Variants in PIGN observed in about 807,000 individuals in gnomAD.
PIGN encodes phosphatidylinositol glycan anchor biosynthesis class N, also known as GPI ethanolamine phosphate transferase 1.
A neutral mutation model predicts 125.4 loss-of-function variants in PIGN; 117 were observed. That is an observed-to-expected ratio of 0.93 (90% CI 0.80 to 1.09). The LOEUF (loss-of-function observed/expected upper bound fraction) is 1.09, where lower values mean the gene tolerates loss of function less well. PIGN is among the 50% of genes least tolerant of loss of function. The probability of loss-of-function intolerance (pLI) is 0.00; values close to 1 mark genes in which losing one functional copy is unlikely to be tolerated. For synonymous variants in PIGN, 392 were observed against 377.8 expected, an observed-to-expected ratio of 1.04 and a Z score of -0.44; for missense variants, 1,075 against 1,094.9, an observed-to-expected ratio of 0.98 and a Z score of 0.26.
At chr18:62,123,161 G>A (rs1252802408) in intron 14 of PIGN, among the ~76,000 whole-genome samples, 3 of 152,072 alleles carry the variant, frequency 2.0e-5, no homozygotes, top group Admixed American at 6.6e-5. Flanking sequence ...GACAGCTTGA[G>A]CCCAGGAAGT....
chr18:62,180,872 T>C (rs2037692804), intron 1 of PIGN, among the ~76,000 whole-genome samples: 2 of 152,186 alleles, frequency 1.3e-5, no homozygotes, highest in African/African-American at 4.8e-5. Flanking sequence ...TCCTTTCTGG[T>C]GTGAGTTTTT....
chr18:62,138,815 A>T (rs2036029556), intron 13 of PIGN, among the ~76,000 whole-genome samples, 168 bp downstream of exon 13: 1 of 152,240 alleles, frequency 6.6e-6, no homozygotes, highest in Admixed American at 6.5e-5. Flanking sequence ...ACTGAGCCAT[A>T]GAACCTACCC....
At chr18:62,104,468 T>C (rs2034563045) in intron 20 of PIGN, among the ~76,000 whole-genome samples, 1 of 152,230 alleles carries the variant, frequency 6.6e-6, no homozygotes, top group Non-Finnish European at 1.5e-5. Flanking sequence ...GGAATTCATT[T>C]TGTCATATAC....
chr18:62,064,217 C>T (rs966861789), intron 30 of PIGN, among the ~76,000 whole-genome samples: 3 of 152,214 alleles, frequency 2.0e-5, no homozygotes, highest in African/African-American at 7.2e-5. Context: ...CCACATGTTG[C>T]CTTATACTAT....
At chr18:62,073,170 G>GATGT (rs1555676732) in intron 29 of PIGN, among the ~76,000 whole-genome samples, 2 of 145,380 alleles carry the variant, frequency 1.4e-5, no homozygotes, top group African/African-American at 5.2e-5. Flanking sequence ...AATTATCAGG[G>GATGT]GTGTGTGTGT....
chr18:62,101,235 T>C, intron 21 of PIGN, 52 bp from the exon 22 acceptor site: 1 of 989,362 alleles, frequency 1.0e-6, no homozygotes, highest in Non-Finnish European at 1.6e-6. Flanking sequence ...TGAAAGACTC[T>C]AACTAGCAAG....
At chr18:62,126,806 T>C (rs1445273853) in intron 14 of PIGN, among the ~76,000 whole-genome samples, 3 of 152,136 alleles carry the variant, frequency 2.0e-5, no homozygotes, top group Admixed American at 2.0e-4. Flanking sequence ...ATGATGCTGT[T>C]CTACAGACAG....
intron 10 of PIGN, among the ~76,000 whole-genome samples, chr18:62,145,027 T>C (rs1051020037): frequency 7.0e-6 from 1 of 143,196 alleles, no homozygotes; most frequent in Non-Finnish European, 1.6e-5. Context: ...GGGGGCAGGG[T>C]GGAGAAAGGA....
At chr18:62,183,929 CACTA>C (rs907054679) in intron 1 of PIGN, among the ~76,000 whole-genome samples, 149 of 151,782 alleles carry the variant, frequency 9.8e-4, no homozygotes, top group African/African-American at 2.3e-3. Context: ...TATCAGCATT[CACTA>C]ACTACTTATT....
chr18:62,019,954 A>G (rs765927190), intron 23 of PIGN, among the ~76,000 whole-genome samples: 2 of 152,246 alleles, frequency 1.3e-5, no homozygotes, highest in African/African-American at 2.4e-5. Flanking sequence ...GGAGACAGAA[A>G]TTGGAACTCT....
In PIGN at chr18:62,045,889, T is replaced by C. The variant is rs774098647; in HGVS notation, c.2763A>G (p.Arg921=). 6.2e-7 allele frequency: 1 copy of C among 1,613,882 alleles called. No individual in the cohort carries two copies. Among genetic ancestry groups the C allele is most frequent in the South Asian group, 1.1e-5 (1 of 91,056 alleles). The change falls in exon 31 of 31, where the codon AGA becomes AGG. Residue 921 remains arginine (R), a synonymous_variant. Coordinates refer to ENST00000640252, the MANE Select transcript of PIGN (RefSeq NM_176787.5). ...AGTGACTTTTGGGTTTGCCACATAG[T>C]CTGAGTTTCTTCGTTGTGAGCAGCT... The part of the protein sequence containing the change: ...LAQLLTTKKL[R]LCGKPKSHFM
chr18:62,147,568 T>C lies in PIGN; in HGVS notation c.675-467A>G, dbSNP rs145699760. 1.6e-3 allele frequency among the ~76,000 whole-genome samples: 237 copies of C among 152,346 alleles called. 1 individual carries two copies. The highest frequency in any genetic ancestry group is 5.3e-3 in the African/African-American group (220 of 41,578). On this transcript the variant is annotated intron_variant, in intron 8 of 30. Transcript: ENST00000640252. ...AGGTTCATTCGATATGAATATTCCA[T>C]CAATTACAGCAGTGCATCACGTTTA...
chr18:62,091,315 C>G (rs1164501567), intron 23 of PIGN, among the ~76,000 whole-genome samples: 10 of 152,202 alleles, frequency 6.6e-5, no homozygotes. Flanking sequence ...ACTGCACTCC[C>G]ACCCAGGTTA....
At chr18:62,019,640 G>C (rs1217960675) in intron 23 of PIGN, among the ~76,000 whole-genome samples, 1 of 152,168 alleles carries the variant, frequency 6.6e-6, no homozygotes, top group Non-Finnish European at 1.5e-5. Flanking sequence ...CTTCTCCATG[G>C]CTTTTCATTT....
At chr18:62,071,788 C>A (rs1381528267) in intron 30 of PIGN, among the ~76,000 whole-genome samples, 1 of 148,156 alleles carries the variant, frequency 6.7e-6, no homozygotes, top group Non-Finnish European at 1.5e-5. Flanking sequence ...CTGATAATGA[C>A]AATAAACAAC....
At chr18:62,138,739 C>G (rs757823046) in intron 13 of PIGN, among the ~76,000 whole-genome samples, 1 of 152,112 alleles carries the variant, frequency 6.6e-6, no homozygotes, top group Non-Finnish European at 1.5e-5. Context: ...GACTTGTAGT[C>G]TTTGTAAGCA....
In PIGN at chr18:62,049,743, C is replaced by T. The variant is rs1477693777; in HGVS notation, c.2673-3764G>A. Among the ~76,000 whole-genome samples the T allele has an allele frequency of 2.0e-5, 3 of 151,800 alleles. No individual in the cohort carries two copies. In the East Asian group the frequency reaches 5.8e-4, roughly 29 times the overall value. On this transcript the variant is annotated intron_variant, in intron 30 of 30. Transcript: ENST00000640252. Reference sequence around the variant, plus strand: ...TCAATTTTGGCTTTTGTTGCCATTGCTTTTGGTGTTTTAGACATGAAGTCC... The same window carrying T: ...TCAATTTTGGCTTTTGTTGCCATTGTTTTTGGTGTTTTAGACATGAAGTCC...
chr18:62,110,079 G>T, intron 16 of PIGN, 106 bp from the exon 17 acceptor site: 1 of 957,228 alleles, frequency 1.0e-6, no homozygotes, highest in Non-Finnish European at 1.6e-6. Context: ...TCTTTCAATG[G>T]TTATACTACT....
At chr18:62,099,898 T>A (rs1172138094) in intron 22 of PIGN, among the ~76,000 whole-genome samples, 1 of 152,108 alleles carries the variant, frequency 6.6e-6, no homozygotes. Flanking sequence ...TTCAGGACAG[T>A]AGTCTGACAA....
Sources: allele counts gnomAD v4.1 joint callset (sites outside exome capture counted in the v4.1 genomes callset), GRCh38; gene constraint gnomAD v4.1.1; transcripts MANE v1.5; gene names NCBI Gene and HGNC (gene_info 2026-07-23, HGNC 2026-07-21).